The following HERC5 variants were observed in gnomAD, a reference collection of about 807,000 sequenced individuals.
HERC5 encodes E3 ISG15--protein ligase HERC5.
Under a neutral mutation model 119.6 loss-of-function variants are expected in HERC5, and 99 were observed. The observed-to-expected ratio is 0.83, with a 90% CI of 0.70 to 0.98. The LOEUF (loss-of-function observed/expected upper bound fraction) is 0.98. Among genes scored for constraint, HERC5 ranks in the 50% least tolerant of loss-of-function variants. HERC5 has a pLI of 0.00. For synonymous variants in HERC5, 478 were observed against 445.9 expected (o/e 1.07, Z -0.91); for missense variants, 1,267 against 1,241.3 (o/e 1.02, Z -0.31).
intron 7 of HERC5, 143 bp downstream of exon 7, chr4:88,467,347 C>A: frequency 2.6e-6 from 2 of 757,022 alleles, no homozygotes; most frequent in Non-Finnish European, 4.2e-6. Flanking sequence ...TACTGGTAAA[C>A]AATTCAAGAG....
chr4:88,504,826 C>T (rs1742060861), intron 22 of HERC5, among the ~76,000 whole-genome samples: 1 of 152,178 alleles, frequency 6.6e-6, no homozygotes, highest in Admixed American at 6.5e-5. Context: ...TTCGTTTCTT[C>T]ATCCAAGCTA....
rs530664221 is a variant in HERC5 at position 88,490,953 on chromosome 4, A to G, written c.2133+1617A>G. Among the ~76,000 whole-genome samples, 5 of 152,322 alleles carry G rather than the reference A, an allele frequency of 3.3e-5. 1 individual carries two copies. The highest frequency in any genetic ancestry group is 2.6e-4 in the Admixed American group (4 of 15,294). ...TCGTTATGTGATTCTATGCTTTGCCAGTCAGTCTACTCGATTATTTGAGTT... is the reference window on the plus strand; with the variant it reads ...TCGTTATGTGATTCTATGCTTTGCCGGTCAGTCTACTCGATTATTTGAGTT... On this transcript the variant is annotated intron_variant, in intron 16 of 22. Transcript: ENST00000264350.
intron 6 of HERC5, among the ~76,000 whole-genome samples, chr4:88,465,038 G>A (rs1740608550): frequency 6.6e-6 from 1 of 152,152 alleles, no homozygotes; most frequent in South Asian, 2.1e-4. Context: ...CCAAAGTGCT[G>A]GGATTACAGG....
intron 13 of HERC5, among the ~76,000 whole-genome samples, chr4:88,480,407 T>C (rs1195463717): frequency 6.6e-6 from 1 of 152,084 alleles, no homozygotes; most frequent in East Asian, 1.9e-4. Context: ...CATTCCAATA[T>C]TGACAGATAT....
At chr4:88,467,277 T>C (rs1740704831) in intron 7 of HERC5, 73 bp downstream of exon 7, 3 of 1,483,160 alleles carry the variant, frequency 2.0e-6, no homozygotes, top group South Asian at 2.4e-5. Context: ...CTAGGTAATG[T>C]GGCAAAGAAA....
chr4:88,494,392 A>G, intron 18 of HERC5, 61 bp downstream of exon 18: 1 of 1,331,730 alleles, frequency 7.5e-7, no homozygotes, highest in African/African-American at 1.5e-5. Context: ...CAAATATTTA[A>G]GTACACACGC....
In HERC5 at chr4:88,504,368, G is replaced by T. The variant is rs200318350; in HGVS notation, c.2719G>T (p.Asp907Tyr). 2 of 1,610,672 alleles carry T rather than the reference G, an allele frequency of 1.2e-6. No homozygotes were observed. Among genetic ancestry groups the T allele is most frequent in the East Asian group, 4.5e-5 (2 of 44,800 alleles). Reference protein sequence around the residue: ...IKLFHPEELKDVIVGNTDYDW... With the variant: ...IKLFHPEELKYVIVGNTDYDW... ...ATTATTCCACCCCGAAGAACTGAAG[G>T]ATGTGATTGTTGGAAATACAGATTA... Residue 907 changes from aspartate to tyrosine, a missense_variant, in exon 21 of 23, where the codon GAT becomes TAT. By Grantham distance (160) the Asp-to-Tyr change is radical. Coordinates refer to ENST00000264350, the MANE Select transcript of HERC5 (RefSeq NM_016323.4).
At chr4:88,487,836 G>A (rs1045087889) in intron 15 of HERC5, among the ~76,000 whole-genome samples, 4 of 152,140 alleles carry the variant, frequency 2.6e-5, no homozygotes, top group Non-Finnish European at 4.4e-5. Flanking sequence ...AATCCCTGCC[G>A]CATTGCAATT....
chr4:88,483,589 C>G (rs1271663340), intron 13 of HERC5, among the ~76,000 whole-genome samples: 2 of 142,716 alleles, frequency 1.4e-5, no homozygotes, highest in Admixed American at 1.5e-4. Context: ...AGTGCAGTGG[C>G]ACGATCTTGG....
Position 88,504,518 on chromosome 4 carries a change from T to C in HERC5, c.2790T>C (p.Tyr930=), listed in dbSNP as rs1304109362. ...FEKNARYEPG[Y]NSSHPTIVMF... is the part of the protein sequence containing the mutation. ...AGAATGCACGTTATGAACCAGGATA[T>C]AACAGTTCACATCCCACCATAGTGA... The change falls in exon 22 of 23, where the codon TAT becomes TAC. Residue 930 remains tyrosine (Y), a synonymous_variant. Coordinates refer to ENST00000264350, the MANE Select transcript of HERC5 (RefSeq NM_016323.4). The C allele has an allele frequency of 6.3e-7, 1 of 1,585,186 alleles. No homozygotes were observed.
intron 8 of HERC5, 121 bp from the exon 9 acceptor site, chr4:88,469,036 T>C: frequency 3.2e-6 from 2 of 621,092 alleles, no homozygotes; most frequent in Non-Finnish European, 5.7e-6. Context: ...TTTGTGATTG[T>C]CCCAGGGCTG....
intron 18 of HERC5, 53 bp from the exon 19 acceptor site, chr4:88,499,873 G>A: frequency 1.6e-6 from 2 of 1,222,224 alleles, no homozygotes; most frequent in South Asian, 1.2e-5. Flanking sequence ...TAGATGCTGT[G>A]TCTAGTGATC....
chr4:88,467,144 A>G lies in HERC5; in HGVS notation c.997A>G (p.Thr333Ala), dbSNP rs1251423529. 1 of 1,614,200 alleles carries G rather than the reference A, an allele frequency of 6.2e-7. No individual in the cohort carries two copies. Among genetic ancestry groups the G allele is most frequent in the African/African-American group, 1.3e-5 (1 of 75,052 alleles). Residue 333 changes from threonine to alanine, a missense_variant, in exon 7 of 23, where the codon ACA becomes GCA. By Grantham distance (58) the Thr-to-Ala change is moderately conservative. This residue lies in a region of HERC5 where 777 missense variants were observed against 758.0 expected (regional missense o/e 1.03). Transcript: ENST00000264350. The stretch of plus-strand genomic sequence containing the variant: ...AGATGGACAACTGGGAAATGGTGGA[A>G]CACGTGACCAGCTGATGCCGCTTCC... ...GKDGQLGNGG[T>A]RDQLMPLPVK...
intron 1 of HERC5, chr4:88,457,831 A>T: frequency 1.2e-6 from 1 of 842,696 alleles, no homozygotes; most frequent in Non-Finnish European, 1.5e-6. Flanking sequence ...GCTTTCTCAT[A>T]GGTTTCTGTT....
At chr4:88,459,517 CAAT>C (rs777779463) in intron 2 of HERC5, 47 bp downstream of exon 2, 15 of 1,168,788 alleles carry the variant, frequency 1.3e-5, no homozygotes, top group African/African-American at 1.6e-5. Context: ...AATCAAAAGA[CAAT>C]AATAATTTCT....
At chr4:88,464,295 T>C (rs561300300) in intron 6 of HERC5, among the ~76,000 whole-genome samples, 5 of 152,128 alleles carry the variant, frequency 3.3e-5, no homozygotes, top group Admixed American at 2.0e-4. Flanking sequence ...TAATTGTTTA[T>C]TTGGGAAAAA....
rs180672436 is a variant in HERC5 at position 88,486,211 on chromosome 4, T to C, written c.1834T>C (p.Leu612=). The change falls in exon 14 of 23, where the codon TTG becomes CTG. Residue 612 remains leucine, a synonymous_variant. Coordinates refer to ENST00000264350, the MANE Select transcript of HERC5 (RefSeq NM_016323.4). ...NFFVEVCRRY[L]WKMTVDASEN... ...TTTTGTAGAAGTATGCAGAAGGTACTTGTGGAAAATGACTGTGGTAGGTAT... is the reference window on the plus strand; with the variant it reads ...TTTTGTAGAAGTATGCAGAAGGTACCTGTGGAAAATGACTGTGGTAGGTAT... 2.3e-5 allele frequency: 37 copies of C among 1,604,518 alleles called. No homozygotes were observed. The Admixed American group carries it at 5.0e-4, about 22-fold the overall frequency.
rs1169722148 is a variant in HERC5 at position 88,470,652 on chromosome 4, C to A, written c.1277C>A (p.Thr426Asn). ...QEIFSSPACL[T>N]GSFLRKRRTT... Reference sequence around the variant, plus strand: ...ATATTTTCATCTCCTGCTTGTCTAACTGGAAGTTTTTTAAGGAAAAGGTAA... The same window carrying A: ...ATATTTTCATCTCCTGCTTGTCTAAATGGAAGTTTTTTAAGGAAAAGGTAA... The change falls in exon 10 of 23, where the codon ACT (threonine) becomes AAT (asparagine). Residue 426 changes from threonine to asparagine, a missense_variant. By Grantham distance (65) the Thr-to-Asn change is moderately conservative. Around this residue, in one of 3 missense-constraint regions of HERC5, gnomAD observed 777 missense variants for 758.0 expected, o/e 1.03. Coordinates refer to ENST00000264350, the MANE Select transcript of HERC5 (RefSeq NM_016323.4). The A allele has an allele frequency of 1.3e-6, 2 of 1,497,342 alleles. No homozygotes were observed. The highest frequency in any genetic ancestry group is 2.3e-5 in the East Asian group (1 of 43,890). The allele number at this position is 1,497,342 out of a possible 1,614,324, so 92.8% of individuals were successfully genotyped here.
At chr4:88,475,249 A>G (rs1741018771) in intron 11 of HERC5, among the ~76,000 whole-genome samples, 1 of 151,296 alleles carries the variant, frequency 6.6e-6, no homozygotes, top group Non-Finnish European at 1.5e-5. Flanking sequence ...ATGACTGAGA[A>G]GGCTGTTTAT....
Sources: allele counts gnomAD v4.1 joint callset (sites outside exome capture counted in the v4.1 genomes callset), GRCh38; gene constraint gnomAD v4.1.1; regional missense constraint gnomAD v4.1.1; transcripts MANE v1.5; gene names NCBI Gene and HGNC (gene_info 2026-07-23, HGNC 2026-07-21).